ADGRL3: variants seen among roughly 807,000 people sequenced by gnomAD.
The protein encoded by ADGRL3 is adhesion G protein-coupled receptor L3.
In ADGRL3, 62 loss-of-function variants were observed where a neutral mutation model predicts 153.5. The ratio of observed to expected loss-of-function variants is 0.40; its 90% confidence interval spans 0.33 to 0.50. ADGRL3 has a LOEUF of 0.50. ADGRL3 is among the 20% of genes least tolerant of loss of function. ADGRL3 has a pLI of 0.47. For missense variants in ADGRL3, 1,641 were observed against 1,859.4 expected (o/e 0.88, Z 2.16); for synonymous variants, 710 against 672.5 (o/e 1.06, Z -0.86).
chr4:61,423,458 G>A (rs961869071), intron 2 of ADGRL3, among the ~76,000 whole-genome samples: 2 of 152,216 alleles, frequency 1.3e-5, no homozygotes, highest in African/African-American at 4.8e-5. Context: ...TAACTTCAGA[G>A]CTATTGAACA....
rs149319292 is a variant in ADGRL3 at position 61,995,553 on chromosome 4, T to G, written c.3237-738T>G. Among the ~76,000 whole-genome samples the G allele has an allele frequency of 2.0e-5, 3 of 152,342 alleles. No individual in the cohort carries two copies. The East Asian group carries it at 5.8e-4, about 29-fold the overall frequency. On this transcript the variant is annotated intron_variant, in intron 19 of 26. Coordinates refer to ENST00000683033, the MANE Select transcript of ADGRL3 (RefSeq NM_001387552.1). ...ATTTTTAACATCAAATGTAATTTGT[T>G]CAAAATTTACATTAATCTTTCTCAT...
At position 61,946,920 on chromosome 4, in the gene ADGRL3, T is replaced by C. The variant is rs570659911; in HGVS notation, c.2426T>C (p.Ile809Thr). 1 of 1,613,334 alleles carries C rather than the reference T, an allele frequency of 6.2e-7. No homozygotes were observed. The highest frequency in any genetic ancestry group is 2.2e-5 in the East Asian group (1 of 44,844). The change falls in exon 16 of 27, where the codon ATC (isoleucine) becomes ACC (threonine). Residue 809 changes from isoleucine (I) to threonine (T), a missense_variant. By Grantham distance (89) the Ile-to-Thr change is moderately conservative. This residue lies in a region of ADGRL3 where 734 missense variants were observed against 797.0 expected (regional missense o/e 0.92). Transcript: ENST00000683033. The part of the protein sequence containing the change: ...TLKQNGRNGE[I>T]RVAFVLYNNL... ...GAGTTTGCATTTACTTTAGGAGAGA[T>C]CAGAGTGGCCTTTGTCCTGTATAAC...
chr4:61,538,173 C>T (rs990233731), intron 4 of ADGRL3, among the ~76,000 whole-genome samples: 5 of 151,932 alleles, frequency 3.3e-5, no homozygotes, highest in African/African-American at 4.8e-5. Flanking sequence ...ACTTTTTTCC[C>T]CTTGAGGTCT....
intron 21 of ADGRL3, among the ~76,000 whole-genome samples, chr4:62,002,904 T>C (rs1317938175): frequency 6.6e-6 from 1 of 152,194 alleles, no homozygotes; most frequent in South Asian, 2.1e-4. Flanking sequence ...ACTTACAGTA[T>C]GGCTGAAGTA....
chr4:61,446,118 T>TTA (rs1455733941), intron 2 of ADGRL3, among the ~76,000 whole-genome samples: 1 of 152,182 alleles, frequency 6.6e-6, no homozygotes, highest in Non-Finnish European at 1.5e-5. Context: ...GAGTGTATCT[T>TTA]CATCATTAAG....
chr4:61,380,689 T>C (rs2096657007), intron 1 of ADGRL3, among the ~76,000 whole-genome samples: 1 of 152,032 alleles, frequency 6.6e-6, no homozygotes. Context: ...TCGAACGATA[T>C]GGAACTATAA....
chr4:62,024,495 A>G (rs1289208280), intron 21 of ADGRL3, among the ~76,000 whole-genome samples: 1 of 152,136 alleles, frequency 6.6e-6, no homozygotes, highest in African/African-American at 2.4e-5. Flanking sequence ...GTTGAAATAT[A>G]ATAATCTCTG....
At chr4:61,542,871 A>G (rs1174126880) in intron 4 of ADGRL3, among the ~76,000 whole-genome samples, 8 of 152,150 alleles carry the variant, frequency 5.3e-5, no homozygotes, top group Non-Finnish European at 1.2e-4. Context: ...TGCTTTTATT[A>G]AGGTCAAGTA....
At chr4:61,768,253 A>T (rs192255459) in intron 8 of ADGRL3, among the ~76,000 whole-genome samples, 3 of 152,040 alleles carry the variant, frequency 2.0e-5, no homozygotes, top group African/African-American at 7.2e-5. Flanking sequence ...AAGCCAGACC[A>T]GGTGTGAGGA....
At chr4:61,260,145 T>C (rs1462698589) in intron 1 of ADGRL3, among the ~76,000 whole-genome samples, 1 of 152,204 alleles carries the variant, frequency 6.6e-6, no homozygotes, top group Non-Finnish European at 1.5e-5. Flanking sequence ...GAAGATGGTT[T>C]CATTGAATAA....
intron 8 of ADGRL3, among the ~76,000 whole-genome samples, chr4:61,789,279 G>C (rs570091963): frequency 1.4e-4 from 20 of 148,018 alleles, no homozygotes; most frequent in East Asian, 1.2e-3. Flanking sequence ...CTCTGTCTCT[G>C]TGTGTGTGTG....
rs531210346 is a variant in ADGRL3 at position 61,679,755 on chromosome 4, G to T, written c.583+2820G>T. 4.6e-5 allele frequency among the ~76,000 whole-genome samples: 7 copies of T among 152,112 alleles called. No individual in the cohort carries two copies. In the South Asian group the frequency reaches 1.5e-3, roughly 32 times the overall value. On this transcript the variant is annotated intron_variant, in intron 6 of 26. Transcript: ENST00000683033. ...TGTAGACTAGCTAGAGAATGGCAAA[G>T]ATTAGATTTGGGTCTGTTTCTAATA...
At chr4:61,538,189 G>A (rs1398283288) in intron 4 of ADGRL3, among the ~76,000 whole-genome samples, 1 of 152,180 alleles carries the variant, frequency 6.6e-6, no homozygotes, top group East Asian at 1.9e-4. Flanking sequence ...GGTCTATAGT[G>A]TTTGTTGTGT....
At chr4:61,766,863 T>A (rs1474369889) in intron 8 of ADGRL3, among the ~76,000 whole-genome samples, 1 of 151,996 alleles carries the variant, frequency 6.6e-6, no homozygotes, top group African/African-American at 2.4e-5. Flanking sequence ...ACGGGGTGGA[T>A]AGGCAAAACA....
chr4:62,022,632 G>T (rs764337886), intron 21 of ADGRL3, among the ~76,000 whole-genome samples: 4 of 152,006 alleles, frequency 2.6e-5, no homozygotes, highest in Non-Finnish European at 5.9e-5. Context: ...AATGTAAGTT[G>T]AAGCCAGTGC....
intron 6 of ADGRL3, among the ~76,000 whole-genome samples, chr4:61,695,712 G>A (rs958858124): frequency 6.6e-6 from 1 of 152,092 alleles, no homozygotes; most frequent in Non-Finnish European, 1.5e-5. Flanking sequence ...GTACTAGATA[G>A]CGTCTTCTTC....
At chr4:61,287,588 T>C (rs1312027654) in intron 1 of ADGRL3, among the ~76,000 whole-genome samples, 1 of 151,922 alleles carries the variant, frequency 6.6e-6, no homozygotes, top group Non-Finnish European at 1.5e-5. Context: ...TAGCTTTCGG[T>C]CTGACAATCA....
At chr4:61,581,358 C>A (rs1156331322) in intron 4 of ADGRL3, among the ~76,000 whole-genome samples, 1 of 151,618 alleles carries the variant, frequency 6.6e-6, no homozygotes, top group African/African-American at 2.4e-5. Context: ...GTCTCATTAG[C>A]ATCTTAAATC....
chr4:61,204,745 A>AT lies in ADGRL3; in HGVS notation c.-240+2991dup, dbSNP rs958350294. Among the ~76,000 whole-genome samples, 217 of 149,772 alleles carry AT rather than the reference A, an allele frequency of 1.4e-3. 2 individuals carry two copies. Among genetic ancestry groups the AT allele is most frequent in the African/African-American group, 4.7e-3 (194 of 40,920 alleles). ...ACTCAAAGTTTTATATGAACTATTA[A>AT]TTTTTTTTTTTAGATAGAGATGTTA... On this transcript the variant is annotated intron_variant, in intron 1 of 26. Coordinates refer to ENST00000683033, the MANE Select transcript of ADGRL3 (RefSeq NM_001387552.1).
Sources: allele counts gnomAD v4.1 joint callset (sites outside exome capture counted in the v4.1 genomes callset), GRCh38; gene constraint gnomAD v4.1.1; regional missense constraint gnomAD v4.1.1; transcripts MANE v1.5; gene names NCBI Gene and HGNC (gene_info 2026-07-23, HGNC 2026-07-21).